The following MTHFD2L variants were observed in gnomAD, a reference collection of about 807,000 sequenced individuals.
MTHFD2L encodes the protein methylenetetrahydrofolate dehydrogenase (NADP+ dependent) 2 like.
In MTHFD2L, 29 loss-of-function variants were observed where a neutral mutation model predicts 34.9. That is an observed-to-expected ratio of 0.83 (90% CI 0.62 to 1.13). The LOEUF is 1.13. Ranked by LOEUF, MTHFD2L falls within the 50% of genes most tolerant of loss-of-function variation. MTHFD2L has a pLI of 0.00. For synonymous variants in MTHFD2L, 167 were observed against 155.7 expected (o/e 1.07, Z -0.54); for missense variants, 481 against 446.5 (o/e 1.08, Z -0.70).
intron 6 of MTHFD2L, among the ~76,000 whole-genome samples, chr4:74,248,302 T>C (rs1742785082): frequency 6.6e-6 from 1 of 152,256 alleles, no homozygotes; most frequent in African/African-American, 2.4e-5. Context: ...TGGTAGTTTG[T>C]ATTTCTGTGG....
chr4:74,186,727 GACTAAATACT>G (rs1731352578), intron 3 of MTHFD2L, among the ~76,000 whole-genome samples: 4 of 152,172 alleles, frequency 2.6e-5, no homozygotes, highest in African/African-American at 9.6e-5. Context: ...TGGATCAGAA[GACTAAATACT>G]GTTAAAATAC....
At chr4:74,200,015 G>T in intron 4 of MTHFD2L, 69 bp downstream of exon 4, 1 of 1,425,238 alleles carries the variant, frequency 7.0e-7, no homozygotes, top group South Asian at 1.2e-5. Flanking sequence ...ACTGAGACTT[G>T]ATGGGACTAC....
chr4:74,236,928 T>C (rs1483660456), intron 6 of MTHFD2L, among the ~76,000 whole-genome samples: 2 of 152,172 alleles, frequency 1.3e-5, no homozygotes, highest in Non-Finnish European at 2.9e-5. Flanking sequence ...AAACCTTACT[T>C]TTATGGGATT....
intron 3 of MTHFD2L, chr4:74,194,921 G>C (rs886755734): frequency 2.6e-5 from 4 of 152,138 alleles, no homozygotes; most frequent in Non-Finnish European, 2.9e-5. Flanking sequence ...TGTGATTCTG[G>C]GGGGCTGCCC....
At chr4:74,131,073 C>T (rs1311111019) in intron 1 of MTHFD2L, among the ~76,000 whole-genome samples, 1 of 152,074 alleles carries the variant, frequency 6.6e-6, no homozygotes, top group Non-Finnish European at 1.5e-5. Context: ...AACCGCTGCT[C>T]AAGGAAATGA....
intron 1 of MTHFD2L, among the ~76,000 whole-genome samples, chr4:74,143,634 A>G (rs1723413802): frequency 6.6e-6 from 1 of 152,188 alleles, no homozygotes; most frequent in Non-Finnish European, 1.5e-5. Context: ...TGAAAAATGA[A>G]TTTTGCTGCT....
intron 5 of MTHFD2L, among the ~76,000 whole-genome samples, chr4:74,209,291 C>T (rs778565227): frequency 1.1e-4 from 17 of 152,130 alleles, no homozygotes; most frequent in Non-Finnish European, 2.1e-4. Context: ...TTGCTGCACC[C>T]ATCAACCTGT....
intron 3 of MTHFD2L, among the ~76,000 whole-genome samples, chr4:74,178,252 C>T (rs1729426391): frequency 6.6e-6 from 1 of 152,002 alleles, no homozygotes; most frequent in Non-Finnish European, 1.5e-5. Flanking sequence ...GTTCTCACCA[C>T]AAAAATACAT....
intron 1 of MTHFD2L, among the ~76,000 whole-genome samples, chr4:74,127,734 A>G (rs1161388840): frequency 6.6e-6 from 1 of 152,132 alleles, no homozygotes; most frequent in Non-Finnish European, 1.5e-5. Flanking sequence ...CCTCTTTGAT[A>G]TACCGATTTT....
At chr4:74,264,666 A>C (rs1163325805) in intron 6 of MTHFD2L, among the ~76,000 whole-genome samples, 1 of 152,040 alleles carries the variant, frequency 6.6e-6, no homozygotes, top group African/African-American at 2.4e-5. Flanking sequence ...GTGAATTTAT[A>C]GTTCAATTGT....
intron 5 of MTHFD2L, among the ~76,000 whole-genome samples, chr4:74,220,747 C>T (rs1359130916): frequency 6.6e-6 from 1 of 151,456 alleles, no homozygotes; most frequent in Non-Finnish European, 1.5e-5. Flanking sequence ...TATATGAAAG[C>T]TATTTACATC....
chr4:74,257,778 G>A (rs1452202813), intron 6 of MTHFD2L, among the ~76,000 whole-genome samples: 1 of 152,066 alleles, frequency 6.6e-6, no homozygotes, highest in Non-Finnish European at 1.5e-5. Flanking sequence ...CTTCTTCACA[G>A]CAAAGAAGAC....
intron 1 of MTHFD2L, among the ~76,000 whole-genome samples, chr4:74,139,042 T>C (rs1723129237): frequency 6.6e-6 from 1 of 152,214 alleles, no homozygotes; most frequent in Non-Finnish European, 1.5e-5. Context: ...GAATTCTTAG[T>C]TGGCCTAGGA....
intron 5 of MTHFD2L, among the ~76,000 whole-genome samples, chr4:74,223,637 A>AT (rs1560504589): frequency 4.5e-5 from 1 of 22,380 alleles, no homozygotes; most frequent in East Asian, 1.4e-3. Context: ...AAAAACAAAT[A>AT]AAAATAAATA....
intron 7 of MTHFD2L, among the ~76,000 whole-genome samples, chr4:74,295,266 A>G (rs1377890268): frequency 6.6e-6 from 1 of 151,978 alleles, no homozygotes; most frequent in African/African-American, 2.4e-5. Context: ...CCTCCATTAT[A>G]TTAAATTTAT....
chr4:74,274,066 G>A (rs527530531), intron 6 of MTHFD2L, among the ~76,000 whole-genome samples: 1 of 151,624 alleles, frequency 6.6e-6, no homozygotes, highest in African/African-American at 2.4e-5. Context: ...TGGCCAGGCT[G>A]GTCTCAAACT....
At chr4:74,252,465 T>C (rs1203245980) in intron 6 of MTHFD2L, among the ~76,000 whole-genome samples, 1 of 151,966 alleles carries the variant, frequency 6.6e-6, no homozygotes. Context: ...ACAAAATGGA[T>C]TTTAAGTATT....
Position 74,224,511 on chromosome 4 carries a change from G to T in MTHFD2L, c.713-791G>T, listed in dbSNP as rs577747268. Among the ~76,000 whole-genome samples the T allele has an allele frequency of 1.6e-4, 25 of 152,248 alleles. No homozygotes were observed. The East Asian group carries it at 2.1e-3, about 13-fold the overall frequency. On this transcript the variant is annotated intron_variant, in intron 5 of 7. Transcript: ENST00000325278. ...AACATTTGCACATCTTCCAGGAGAAGACAAGATGCAGTCTTAGCCGTATTC... is the reference window on the plus strand; with the variant it reads ...AACATTTGCACATCTTCCAGGAGAATACAAGATGCAGTCTTAGCCGTATTC...
chr4:74,210,673 G>A (rs1029310497), intron 5 of MTHFD2L, among the ~76,000 whole-genome samples: 31 of 152,150 alleles, frequency 2.0e-4, no homozygotes, highest in Middle Eastern at 3.4e-3. Context: ...TTGGCTATAC[G>A]GGCTTTTTGT....
Sources: allele counts gnomAD v4.1 joint callset (sites outside exome capture counted in the v4.1 genomes callset), GRCh38; gene constraint gnomAD v4.1.1; transcripts MANE v1.5; gene names NCBI Gene and HGNC (gene_info 2026-07-23, HGNC 2026-07-21).